PIK3R5: variants seen among roughly 807,000 people sequenced by gnomAD.
PIK3R5 encodes the protein phosphoinositide-3-kinase regulatory subunit 5.
Under a neutral mutation model 94.9 loss-of-function variants are expected in PIK3R5, and 32 were observed. The observed-to-expected ratio is 0.34, with a 90% CI of 0.25 to 0.45. The LOEUF is 0.45. PIK3R5 is among the 20% of genes least tolerant of loss of function. PIK3R5 has a pLI of 1.00. For synonymous variants in PIK3R5, 443 were observed against 479.4 expected (o/e 0.92, Z 0.99); for missense variants, 853 against 1,144.6 (o/e 0.75, Z 3.68).
intron 18 of PIK3R5, 39 bp downstream of exon 18, chr17:8,880,866 G>A (rs745345045): frequency 3.1e-6 from 5 of 1,612,878 alleles, no homozygotes; most frequent in South Asian, 2.2e-5. Context: ...GTTGGTGGGA[G>A]CAGAAACTGC....
At chr17:8,905,568 T>TG in intron 4 of PIK3R5, 101 bp downstream of exon 4, 3 of 770,674 alleles carry the variant, frequency 3.9e-6, no homozygotes, top group Non-Finnish European at 6.1e-6. Context: ...TGACAGTTTC[T>TG]CTCTCTGCTT....
In PIK3R5 at chr17:8,888,598, C is replaced by CCTCGCTGTCCTCCACG; in HGVS notation, c.1173_1188dup (p.Glu397ArgfsTer35). On this transcript the variant is annotated frameshift_variant, in exon 10 of 19. Coordinates refer to ENST00000447110, the MANE Select transcript of PIK3R5 (RefSeq NM_001142633.3). LOFTEE classifies it high-confidence loss of function. This position sits in a 1 kb window ranked among gnomAD's most constrained non-coding sequence, Gnocchi z 7.8. ...CTCCAAGGCCACTCGGAGGAGCTCT[C>CCTCGCTGTCCTCCACG]CTCGCTGTCCTCCACGTAGCCGCTG... 1 of 1,612,316 alleles carries CCTCGCTGTCCTCCACG rather than the reference C, an allele frequency of 6.2e-7. No individual in the cohort carries two copies. The highest frequency in any genetic ancestry group is 1.1e-5 in the South Asian group (1 of 91,010).
At chr17:8,906,123 A>C (rs2090391845) in intron 3 of PIK3R5, among the ~76,000 whole-genome samples, 2 of 152,102 alleles carry the variant, frequency 1.3e-5, no homozygotes, top group South Asian at 4.1e-4. Context: ...CCCCACATGC[A>C]TTAGGTATTT....
rs1441722160 is a variant in PIK3R5 at position 8,882,093 on chromosome 17, A to G, written c.2206-212T>C. 7.0e-6 allele frequency: 4 copies of G among 573,054 alleles called. No individual in the cohort carries two copies. The highest frequency in any genetic ancestry group is 1.3e-5 in the Non-Finnish European group (4 of 319,538). The allele number at this position is 573,054 out of a possible 1,614,324, so 35.5% of individuals were successfully genotyped here. A position where few individuals can be genotyped will look rare whatever the true frequency, so the allele number is the denominator to read the frequency against. ...TCACTGGCTTGGTCTAGGGGTCAGC[A>G]GCCTCTGTGACCAGGTTGAAAGGTA... is the stretch of plus-strand genomic sequence containing the variant. On this transcript the variant is annotated intron_variant, in intron 15 of 18. Coordinates refer to ENST00000447110, the MANE Select transcript of PIK3R5 (RefSeq NM_001142633.3). This position sits in a 1 kb window ranked among gnomAD's most constrained non-coding sequence, Gnocchi z 4.1.
At chr17:8,929,041 C>G (rs1350560678) in intron 1 of PIK3R5, among the ~76,000 whole-genome samples, 2 of 151,994 alleles carry the variant, frequency 1.3e-5, no homozygotes, top group African/African-American at 2.4e-5. Context: ...TAACAGTGGA[C>G]TGTGATAAGT....
intron 6 of PIK3R5, 147 bp from the exon 7 acceptor site, chr17:8,891,059 G>T: frequency 1.4e-6 from 1 of 693,572 alleles, no homozygotes; most frequent in East Asian, 2.8e-5. Flanking sequence ...GACCACAGGA[G>T]GCCAGGACAG....
In PIK3R5 at chr17:8,904,692, G is replaced by A. The variant is rs983897491; in HGVS notation, c.412+85C>T. On this transcript the variant is annotated intron_variant, in intron 5 of 18. Transcript: ENST00000447110. The surrounding 1 kb of genome is among the most constrained non-coding windows in gnomAD (Gnocchi z 5.1). ...TGAATCAAAGGATGCAAGGTAAGGAGGGTCACAAAAAACAGTTTCAGAGGA... is the reference window on the plus strand; with the variant it reads ...TGAATCAAAGGATGCAAGGTAAGGAAGGTCACAAAAAACAGTTTCAGAGGA... 1 of 1,372,632 alleles carries A rather than the reference G, an allele frequency of 7.3e-7. No homozygotes were observed. Among genetic ancestry groups the A allele is most frequent in the African/African-American group, 1.4e-5 (1 of 70,108 alleles). 85.0% of individuals were successfully genotyped at this position (1,372,632 alleles called of 1,614,324 possible). A position where few individuals can be genotyped will look rare whatever the true frequency, so the allele number is the denominator to read the frequency against.
intron 6 of PIK3R5, among the ~76,000 whole-genome samples, chr17:8,891,158 C>G (rs2090014185): frequency 6.6e-6 from 1 of 152,192 alleles, no homozygotes; most frequent in African/African-American, 2.4e-5. Flanking sequence ...AAGATCTTTT[C>G]AAAATTGAAC....
chr17:8,957,902 C>T (rs1302512557), intron 1 of PIK3R5, among the ~76,000 whole-genome samples: 1 of 152,200 alleles, frequency 6.6e-6, no homozygotes, highest in African/African-American at 2.4e-5. Context: ...TAAGCTGTCA[C>T]AGGGCGTGGG....
In PIK3R5 at chr17:8,890,479, G is replaced by A. The variant is rs764577696; in HGVS notation, c.657+259C>T. Among the ~76,000 whole-genome samples the A allele has an allele frequency of 3.9e-5, 6 of 152,196 alleles. No individual in the cohort carries two copies. The highest frequency in any genetic ancestry group is 1.3e-4 in the Admixed American group (2 of 15,280). On this transcript the variant is annotated intron_variant, in intron 7 of 18. Transcript: ENST00000447110. This position sits in a 1 kb window ranked among gnomAD's most constrained non-coding sequence, Gnocchi z 6.1. ...GGTCTTCAGCCCAAAGCTCATTCTC[G>A]TTCTTATGGCATATGCCATCTTCTG...
At position 8,889,754 on chromosome 17, in the gene PIK3R5, C is replaced by G. The variant is rs531702007; in HGVS notation, c.811+219G>C. 6.6e-6 allele frequency among the ~76,000 whole-genome samples: 1 copy of G among 152,260 alleles called. No homozygotes were observed. The highest frequency in any genetic ancestry group is 2.4e-5 in the African/African-American group (1 of 41,528). On this transcript the variant is annotated intron_variant, in intron 8 of 18. Transcript: ENST00000447110. This position sits in a 1 kb window ranked among gnomAD's most constrained non-coding sequence, Gnocchi z 4.1. ...TTGCCCTCGTAAGCACTCTCTTTTC[C>G]TCTTCCCACAAGCTGCCATCATGAT...
intron 5 of PIK3R5, among the ~76,000 whole-genome samples, chr17:8,894,341 C>T (rs2090099268): frequency 6.6e-6 from 1 of 152,290 alleles, no homozygotes; most frequent in Non-Finnish European, 1.5e-5. Context: ...GGTGCCTTCC[C>T]GCTATGCCAG....
intron 4 of PIK3R5, 29 bp downstream of exon 4, chr17:8,905,640 C>A: frequency 1.3e-6 from 2 of 1,555,814 alleles, no homozygotes; most frequent in Non-Finnish European, 1.7e-6. Context: ...CCTCCCTCAC[C>A]TCCAGCATCC....
chr17:8,885,620 C>T (rs1185014759), intron 14 of PIK3R5, among the ~76,000 whole-genome samples: 21 of 113,094 alleles, frequency 1.9e-4, no homozygotes, highest in African/African-American at 5.0e-4. Flanking sequence ...TAACCCCGCC[C>T]CCCCATGGCC....
intron 1 of PIK3R5, among the ~76,000 whole-genome samples, chr17:8,963,280 A>C (rs1327879485): frequency 6.6e-6 from 1 of 152,230 alleles, no homozygotes; most frequent in East Asian, 1.9e-4. Context: ...AGGCCAAGTC[A>C]GCACAGCTTG....
chr17:8,905,626 C>G, intron 4 of PIK3R5, 43 bp downstream of exon 4: 1 of 1,484,296 alleles, frequency 6.7e-7, no homozygotes, highest in South Asian at 1.2e-5. Context: ...TCGCTCCTCC[C>G]CCTCCTCCCT....
At position 8,905,702 on chromosome 17, in the gene PIK3R5, C is replaced by T. The variant is rs147931237; in HGVS notation, c.240G>A (p.Pro80=). 3.8e-5 allele frequency: 61 copies of T among 1,606,140 alleles called. No homozygotes were observed. The highest frequency in any genetic ancestry group is 1.3e-4 in the East Asian group (6 of 44,660). The part of the protein sequence containing the change: ...QEKGTYDLLT[P]LALLFYSTVL... Reference sequence around the variant, plus strand: ...CAGTGGAATAGAAGAGCAGGGCCAGCGGGGTGAGCAGGTCGTAGGTGCCCT... The same window carrying T: ...CAGTGGAATAGAAGAGCAGGGCCAGTGGGGTGAGCAGGTCGTAGGTGCCCT... Residue 80 remains proline, a synonymous_variant, in exon 4 of 19, where the codon CCG becomes CCA. Coordinates refer to ENST00000447110, the MANE Select transcript of PIK3R5 (RefSeq NM_001142633.3).
At position 8,882,150 on chromosome 17, in the gene PIK3R5, T is replaced by A; in HGVS notation, c.2206-269A>T. The A allele has an allele frequency of 8.5e-6, 4 of 470,650 alleles. No homozygotes were observed. The highest frequency in any genetic ancestry group is 1.5e-5 in the Non-Finnish European group (4 of 258,180). 29.2% of individuals were successfully genotyped at this position (470,650 alleles called of 1,614,324 possible). Reference sequence around the variant, plus strand: ...CTGAGAGCACCTGCAGGGGTGGTCCTGAAGCTCTCCTGCCGGGCCCAGAGT... The same window carrying A: ...CTGAGAGCACCTGCAGGGGTGGTCCAGAAGCTCTCCTGCCGGGCCCAGAGT... On this transcript the variant is annotated intron_variant, in intron 15 of 18. Transcript: ENST00000447110. The surrounding 1 kb of genome is among the most constrained non-coding windows in gnomAD (Gnocchi z 4.1).
Position 8,904,685 on chromosome 17 carries a change from G to A in PIK3R5, c.412+92C>T, listed in dbSNP as rs2090357545. On this transcript the variant is annotated intron_variant, in intron 5 of 18. Coordinates refer to ENST00000447110, the MANE Select transcript of PIK3R5 (RefSeq NM_001142633.3). This position sits in a 1 kb window ranked among gnomAD's most constrained non-coding sequence, Gnocchi z 5.1. ...GCAGAGATGAATCAAAGGATGCAAG[G>A]TAAGGAGGGTCACAAAAAACAGTTT... 1 of 1,301,318 alleles carries A rather than the reference G, an allele frequency of 7.7e-7. No individual in the cohort carries two copies. Among genetic ancestry groups the A allele is most frequent in the Non-Finnish European group, 1.1e-6 (1 of 917,556 alleles). 80.6% of individuals were successfully genotyped at this position (1,301,318 alleles called of 1,614,324 possible).
Sources: allele counts gnomAD v4.1 joint callset (sites outside exome capture counted in the v4.1 genomes callset), GRCh38; gene constraint gnomAD v4.1.1; non-coding constraint Gnocchi (gnomAD v3.1); transcripts MANE v1.5; gene names NCBI Gene and HGNC (gene_info 2026-07-23, HGNC 2026-07-21).